HIPK2: variants seen among roughly 807,000 people sequenced by gnomAD.
HIPK2 encodes the protein homeodomain interacting protein kinase 2.
A neutral mutation model predicts 113.7 loss-of-function variants in HIPK2; 27 were observed. That is an observed-to-expected ratio of 0.24 (90% confidence interval 0.17 to 0.33). The LOEUF (loss-of-function observed/expected upper bound fraction) is 0.33. HIPK2 is among the 10% of genes least tolerant of loss of function. HIPK2 has a pLI of 1.00. For missense variants in HIPK2, 1,257 were observed against 1,588.0 expected, an observed-to-expected ratio of 0.79 and a Z score of 3.54; for synonymous variants, 631 against 642.2, an observed-to-expected ratio of 0.98 and a Z score of 0.26.
intron 2 of HIPK2, among the ~76,000 whole-genome samples, chr7:139,696,898 A>T (rs1794582980): frequency 6.6e-6 from 1 of 152,124 alleles, no homozygotes; most frequent in African/African-American, 2.4e-5. Context: ...TCTAATCCTT[A>T]AAACTTCTAT....
At chr7:139,661,627 T>C (rs750642993) in intron 2 of HIPK2, among the ~76,000 whole-genome samples, 1 of 152,186 alleles carries the variant, frequency 6.6e-6, no homozygotes, top group African/African-American at 2.4e-5. Flanking sequence ...ATCTCCCTTG[T>C]GCTAATCAGA....
rs1028236558 is a variant in HIPK2, at chr7:139,608,624, C to T, written c.2113-4401G>A. ...CTAATTCCAGTGCCCATGCTTTCAG[C>T]CAATATACACCTCTCCTTGTGTTGA... On this transcript the variant is annotated intron_variant, in intron 9 of 14. Transcript: ENST00000406875. Among the ~76,000 whole-genome samples, 3 of 152,068 alleles carry T rather than the reference C, an allele frequency of 2.0e-5. No homozygotes were observed. The East Asian group carries it at 5.8e-4, about 29-fold the overall frequency.
intron 7 of HIPK2, among the ~76,000 whole-genome samples, chr7:139,616,149 G>A (rs1800036905): frequency 6.6e-6 from 1 of 152,062 alleles, no homozygotes; most frequent in African/African-American, 2.4e-5. Context: ...CTTCTGCTCG[G>A]TGGTTCCACT....
At chr7:139,751,568 ATGGATGGATGGT>A (rs1182547980) in intron 1 of HIPK2, among the ~76,000 whole-genome samples, 11 of 149,370 alleles carry the variant, frequency 7.4e-5, no homozygotes, top group Non-Finnish European at 1.5e-4. Flanking sequence ...GGAGGGATGG[ATGGATGGATGGT>A]TGGATGGATA....
At chr7:139,684,555 A>G (rs376419010) in intron 2 of HIPK2, among the ~76,000 whole-genome samples, 50 of 152,260 alleles carry the variant, frequency 3.3e-4, no homozygotes, top group African/African-American at 1.2e-3. Flanking sequence ...TATCTCTACA[A>G]ACAAAATATT....
At chr7:139,745,450 G>A (rs1340707117) in intron 1 of HIPK2, among the ~76,000 whole-genome samples, 2 of 152,182 alleles carry the variant, frequency 1.3e-5, no homozygotes, top group Non-Finnish European at 2.9e-5. Context: ...CACTTGAGAA[G>A]GAAAGGGAAG....
chr7:139,604,094 G>C lies in HIPK2; in HGVS notation c.2242C>G (p.Leu748Val). 1 of 1,613,916 alleles carries C rather than the reference G, an allele frequency of 6.2e-7. No homozygotes were observed. Among genetic ancestry groups the C allele is most frequent in the South Asian group, 1.1e-5 (1 of 91,070 alleles). Residue 748 changes from leucine to valine, a missense_variant, in exon 10 of 15, where the codon CTG becomes GTG. Physicochemically the swap from Leu to Val is conservative, Grantham distance 32 (BLOSUM62 1). Transcript: ENST00000406875. The part of the protein sequence containing the change: ...IPETMAGTQQ[L>V]ADWRNTHAHG... Reference sequence around the variant, plus strand: ...TTTCCTGCTTACCTCCAGTCCGCCAGCTGCTGGGTGCCTGCCATGGTCTCG... The same window carrying C: ...TTTCCTGCTTACCTCCAGTCCGCCACCTGCTGGGTGCCTGCCATGGTCTCG...
chr7:139,687,782 C>T (rs1303468639), intron 2 of HIPK2, among the ~76,000 whole-genome samples: 1 of 152,192 alleles, frequency 6.6e-6, no homozygotes, highest in Non-Finnish European at 1.5e-5. Flanking sequence ...CTTCCTGTCC[C>T]AGGCTAAACA....
chr7:139,774,500 G>A (rs533490749), intron 1 of HIPK2, among the ~76,000 whole-genome samples: 6 of 152,164 alleles, frequency 3.9e-5, no homozygotes, highest in Non-Finnish European at 7.3e-5. Flanking sequence ...ATATTTTAGG[G>A]CATGTGTCAT....
At chr7:139,705,438 G>A (rs930206397) in intron 2 of HIPK2, among the ~76,000 whole-genome samples, 2 of 151,764 alleles carry the variant, frequency 1.3e-5, no homozygotes, top group South Asian at 2.1e-4. Flanking sequence ...GTGCAGTGGC[G>A]CAATCTCGGC....
At chr7:139,645,663 G>A (rs868692468) in intron 2 of HIPK2, among the ~76,000 whole-genome samples, 7 of 152,160 alleles carry the variant, frequency 4.6e-5, no homozygotes, top group African/African-American at 1.4e-4. Context: ...GTGTGAGTGC[G>A]GTGAGGGGAG....
At chr7:139,771,665 C>T (rs1027768874) in intron 1 of HIPK2, among the ~76,000 whole-genome samples, 18 of 152,034 alleles carry the variant, frequency 1.2e-4, no homozygotes, top group Admixed American at 2.6e-4. Context: ...ACCCTGAAGT[C>T]GTTTTTCTCT....
chr7:139,741,027 G>T (rs536969965), intron 1 of HIPK2, among the ~76,000 whole-genome samples: 1 of 152,054 alleles, frequency 6.6e-6, no homozygotes, highest in South Asian at 2.1e-4. Context: ...GGTGCCTGTC[G>T]TCCCAGCTAC....
chr7:139,617,905 T>C (rs979718211), intron 7 of HIPK2, among the ~76,000 whole-genome samples: 2 of 152,254 alleles, frequency 1.3e-5, no homozygotes, highest in African/African-American at 4.8e-5. Context: ...AGCTAGCTAC[T>C]AGAACCAGCA....
chr7:139,708,763 C>T (rs1794981667), intron 2 of HIPK2, among the ~76,000 whole-genome samples: 1 of 152,200 alleles, frequency 6.6e-6, no homozygotes, highest in African/African-American at 2.4e-5. Context: ...TGTCTTTCAC[C>T]ACATGGTGGG....
intron 10 of HIPK2, among the ~76,000 whole-genome samples, chr7:139,603,449 G>C (rs188030710): frequency 6.6e-6 from 1 of 152,254 alleles, no homozygotes; most frequent in East Asian, 1.9e-4. Flanking sequence ...GTAGAGTTCT[G>C]GAAACAGATG....
chr7:139,635,213 T>G (rs1173301809), intron 2 of HIPK2, among the ~76,000 whole-genome samples: 1 of 152,184 alleles, frequency 6.6e-6, no homozygotes, highest in African/African-American at 2.4e-5. Flanking sequence ...GGCTGGCCCC[T>G]GCCCTCTTGC....
At chr7:139,709,228 C>T (rs1794994019) in intron 2 of HIPK2, among the ~76,000 whole-genome samples, 1 of 152,156 alleles carries the variant, frequency 6.6e-6, no homozygotes, top group Non-Finnish European at 1.5e-5. Context: ...GAACAGTTCA[C>T]TTCATATCTT....
chr7:139,705,647 G>C (rs1265704387), intron 2 of HIPK2, among the ~76,000 whole-genome samples: 1 of 152,072 alleles, frequency 6.6e-6, no homozygotes, highest in African/African-American at 2.4e-5. Flanking sequence ...AAAGTGCTGG[G>C]ATTACAGGTG....
Sources: allele counts gnomAD v4.1 joint callset (sites outside exome capture counted in the v4.1 genomes callset), GRCh38; gene constraint gnomAD v4.1.1; transcripts MANE v1.5; gene names NCBI Gene and HGNC (gene_info 2026-07-23, HGNC 2026-07-21).